SPAG16: variants seen among roughly 807,000 people sequenced by gnomAD.
SPAG16 encodes the protein sperm-associated antigen 16 protein.
In SPAG16, 86 loss-of-function variants were observed where a neutral mutation model predicts 80.4. The ratio of observed to expected loss-of-function variants is 1.07; its 90% CI spans 0.90 to 1.28. The LOEUF is 1.28. Among genes scored for constraint, SPAG16 ranks in the 50% most tolerant of loss-of-function variants. The probability of loss-of-function intolerance (pLI) is 0.00; values close to 1 mark genes in which losing one functional copy is unlikely to be tolerated. For missense variants in SPAG16, 870 were observed against 765.3 expected, an observed-to-expected ratio of 1.14 and a Z score of -1.61; for synonymous variants, 294 against 265.9, an observed-to-expected ratio of 1.11 and a Z score of -1.03.
rs149248546 is a variant in SPAG16, at chr2:213,596,471, A to G, written c.1070+106381A>G. Among the ~76,000 whole-genome samples, 10 of 152,266 alleles carry G rather than the reference A, an allele frequency of 6.6e-5. No individual in the cohort carries two copies. In the East Asian group the frequency reaches 1.9e-3, roughly 29 times the overall value. ...CCATACTCACTTTTGATTATGAAACATAAAGGTTGAAATCCTTCAAATCTG... is the reference window on the plus strand; with the variant it reads ...CCATACTCACTTTTGATTATGAAACGTAAAGGTTGAAATCCTTCAAATCTG... On this transcript the variant is annotated intron_variant, in intron 10 of 15. Transcript: ENST00000331683.
intron 5 of SPAG16, among the ~76,000 whole-genome samples, chr2:213,323,420 G>T (rs1297814253): frequency 6.9e-6 from 1 of 145,352 alleles, no homozygotes; most frequent in Non-Finnish European, 1.5e-5. Flanking sequence ...CAGCCTAGGC[G>T]ACAGAGCAAG....
intron 15 of SPAG16, among the ~76,000 whole-genome samples, chr2:214,203,261 T>C (rs1263082019): frequency 1.3e-5 from 2 of 152,162 alleles, no homozygotes; most frequent in African/African-American, 4.8e-5. Context: ...CTGGTTCTGG[T>C]ATATTTCTAA....
intron 4 of SPAG16, among the ~76,000 whole-genome samples, chr2:213,312,540 C>A (rs1234763795): frequency 6.6e-6 from 1 of 151,452 alleles, no homozygotes; most frequent in Non-Finnish European, 1.5e-5. Context: ...ACCATTTTTC[C>A]CTTTCCAGCC....
chr2:214,143,234 G>GTTTTTTTTTTTT (rs59910884), intron 14 of SPAG16, among the ~76,000 whole-genome samples: 1 of 112,668 alleles, frequency 8.9e-6, no homozygotes, highest in Non-Finnish European at 1.8e-5. Flanking sequence ...ATAGTTTTGG[G>GTTTTTTTTTTTT]TTTTTTTTTT....
chr2:213,756,318 AAAAT>A (rs1252245004), intron 10 of SPAG16, among the ~76,000 whole-genome samples: 7 of 152,116 alleles, frequency 4.6e-5, no homozygotes, highest in Admixed American at 3.3e-4. Context: ...CCGTCTCAAA[AAAAT>A]AAATAAATAA....
At chr2:213,425,939 C>T (rs1482453169) in intron 9 of SPAG16, among the ~76,000 whole-genome samples, 1 of 152,084 alleles carries the variant, frequency 6.6e-6, no homozygotes, top group Non-Finnish European at 1.5e-5. Flanking sequence ...GAGCCTGGAG[C>T]ATGTTGTAGT....
At chr2:213,649,260 G>GA (rs940918002) in intron 10 of SPAG16, among the ~76,000 whole-genome samples, 17 of 152,160 alleles carry the variant, frequency 1.1e-4, no homozygotes, top group African/African-American at 3.6e-4. Context: ...GAGAGAGCTG[G>GA]AAAAAATAGT....
At chr2:213,996,028 A>G (rs144905384) in intron 12 of SPAG16, among the ~76,000 whole-genome samples, 2 of 152,308 alleles carry the variant, frequency 1.3e-5, no homozygotes, top group South Asian at 2.1e-4. Context: ...ATGAGCTTAG[A>G]GTTTCATAAA....
At chr2:214,259,808 T>C (rs935902837) in intron 15 of SPAG16, among the ~76,000 whole-genome samples, 4 of 152,186 alleles carry the variant, frequency 2.6e-5, no homozygotes, top group African/African-American at 7.2e-5. Flanking sequence ...TTTGCATTTG[T>C]CTTCTAAGTG....
chr2:213,422,004 A>G, intron 9 of SPAG16: 1 of 577,894 alleles, frequency 1.7e-6, no homozygotes, highest in Non-Finnish European at 3.1e-6. Flanking sequence ...TGCCTTGCCC[A>G]TCCACCTACC....
chr2:214,130,082 C>T (rs1406136375), intron 14 of SPAG16, among the ~76,000 whole-genome samples: 3 of 152,154 alleles, frequency 2.0e-5, no homozygotes, highest in East Asian at 3.9e-4. Flanking sequence ...AGAAAATTCT[C>T]ACCCCAGTTC....
chr2:213,585,131 G>T lies in SPAG16; in HGVS notation c.1070+95041G>T, dbSNP rs376168788. Among the ~76,000 whole-genome samples, 4 of 150,616 alleles carry T rather than the reference G, an allele frequency of 2.7e-5. No homozygotes were observed. The East Asian group carries it at 8.0e-4, about 30-fold the overall frequency. ...TTGAACCTGGGAGGTAGAGGTTGTA[G>T]TGAGCTGAGATCGTGCCACTGTACT... On this transcript the variant is annotated intron_variant, in intron 10 of 15. Transcript: ENST00000331683.
At chr2:213,952,980 T>C (rs2043931513) in intron 12 of SPAG16, among the ~76,000 whole-genome samples, 1 of 152,010 alleles carries the variant, frequency 6.6e-6, no homozygotes, top group Non-Finnish European at 1.5e-5. Context: ...ACTGGACAGG[T>C]AAACACATAA....
intron 13 of SPAG16, among the ~76,000 whole-genome samples, chr2:214,079,237 G>A (rs1043045281): frequency 5.9e-5 from 9 of 152,082 alleles, no homozygotes; most frequent in African/African-American, 2.2e-4. Context: ...TCAGAAGGCA[G>A]TGTTTAGCTT....
intron 15 of SPAG16, among the ~76,000 whole-genome samples, chr2:214,288,689 G>T (rs1198822396): frequency 6.6e-6 from 1 of 151,896 alleles, no homozygotes; most frequent in African/African-American, 2.4e-5. Context: ...TAGCAATACT[G>T]AGTATTTTAT....
chr2:213,351,143 C>T (rs2065306273), intron 7 of SPAG16, among the ~76,000 whole-genome samples: 3 of 151,912 alleles, frequency 2.0e-5, no homozygotes, highest in Admixed American at 1.3e-4. Context: ...GAGACAGTGT[C>T]TCAAAAAAAT....
intron 15 of SPAG16, among the ~76,000 whole-genome samples, chr2:214,262,986 G>A (rs1332865273): frequency 6.6e-6 from 1 of 151,968 alleles, no homozygotes; most frequent in Non-Finnish European, 1.5e-5. Context: ...AGGTACACAC[G>A]TGATATTTTG....
intron 13 of SPAG16, among the ~76,000 whole-genome samples, chr2:214,077,672 G>A (rs570089262): frequency 6.6e-6 from 1 of 152,290 alleles, no homozygotes; most frequent in East Asian, 1.9e-4. Context: ...ACACCATGAA[G>A]GCGGGTATGG....
chr2:213,287,979 C>T (rs1157767623), intron 1 of SPAG16, among the ~76,000 whole-genome samples: 6 of 152,204 alleles, frequency 3.9e-5, no homozygotes, highest in Non-Finnish European at 4.4e-5. Context: ...GATCATAGCT[C>T]ACTGCAACTT....
Sources: gnomAD v4.1 joint callset for allele counts (sites outside exome capture counted in the v4.1 genomes callset) on GRCh38, gnomAD v4.1.1 for gene constraint, MANE v1.5 for transcripts, NCBI Gene and HGNC (gene_info 2026-07-23, HGNC 2026-07-21) for gene names.